TNFRSF10B: variants seen among roughly 807,000 people sequenced by gnomAD.
TNFRSF10B encodes tumor necrosis factor receptor superfamily member 10B.
In TNFRSF10B, 35 loss-of-function variants were observed where a neutral mutation model predicts 41.4. The observed-to-expected ratio is 0.85, with a 90% CI of 0.65 to 1.12. TNFRSF10B has a LOEUF of 1.12. Ranked by LOEUF, TNFRSF10B falls within the 50% of genes most tolerant of loss-of-function variation. TNFRSF10B has a pLI of 0.00. For missense variants in TNFRSF10B, 584 were observed against 552.7 expected (o/e 1.06, Z -0.57); for synonymous variants, 230 against 215.5 (o/e 1.07, Z -0.59).
In TNFRSF10B at chr8:23,028,311, C is replaced by T. The variant is rs753244619; in HGVS notation, c.748+20G>A. The stretch of plus-strand genomic sequence containing the variant: ...CAGGGCAGAGAGTGCCCTGTGCCCC[C>T]GCCCTCAGCCAGCACCTACCTGAGC... On this transcript the variant is annotated intron_variant, in intron 5 of 8. Coordinates refer to ENST00000276431, the MANE Select transcript of TNFRSF10B (RefSeq NM_003842.5). 1.2e-6 allele frequency: 2 copies of T among 1,613,644 alleles called. No homozygotes were observed. Among genetic ancestry groups the T allele is most frequent in the Admixed American group, 1.7e-5 (1 of 60,012 alleles).
intron 1 of TNFRSF10B, among the ~76,000 whole-genome samples, chr8:23,055,493 C>T (rs550609801): frequency 7.2e-6 from 1 of 138,154 alleles, no homozygotes; most frequent in Non-Finnish European, 1.5e-5. Flanking sequence ...CAGTACTAAT[C>T]AAGTGCTTAA....
chr8:23,062,065 CCTTCT>C (rs1233412408), intron 1 of TNFRSF10B, among the ~76,000 whole-genome samples: 1 of 152,024 alleles, frequency 6.6e-6, no homozygotes, highest in Non-Finnish European at 1.5e-5. Flanking sequence ...AGAAAGGTTC[CCTTCT>C]CTTCAAGTTT....
At chr8:23,025,936 C>A (rs1165301260) in intron 7 of TNFRSF10B, among the ~76,000 whole-genome samples, 1 of 152,138 alleles carries the variant, frequency 6.6e-6, no homozygotes, top group African/African-American at 2.4e-5. Flanking sequence ...CTTAGCTGGG[C>A]ACGGTGGCAC....
chr8:23,067,065 G>A (rs936887586), intron 1 of TNFRSF10B, among the ~76,000 whole-genome samples: 3 of 151,234 alleles, frequency 2.0e-5, no homozygotes, highest in African/African-American at 4.9e-5. Context: ...TGCAACTTCT[G>A]CCTCCCAGGT....
In TNFRSF10B at chr8:23,022,374, TA is replaced by T. The variant is rs1462652292; in HGVS notation, c.*296del. 1 of 534,928 alleles carries T rather than the reference TA, an allele frequency of 1.9e-6. No homozygotes were observed. The highest frequency in any genetic ancestry group is 3.6e-6 in the Non-Finnish European group (1 of 280,246). 33.1% of individuals were successfully genotyped at this position (534,928 alleles called of 1,614,324 possible). ...AATAAATAAAGCATTTACATTAGGA[TA>T]AAAAAGTGCTGTGAAAACAATGACA... On this transcript the variant is annotated 3_prime_UTR_variant, in exon 9 of 9. Coordinates refer to ENST00000276431, the MANE Select transcript of TNFRSF10B (RefSeq NM_003842.5).
intron 2 of TNFRSF10B, among the ~76,000 whole-genome samples, chr8:23,037,255 A>T (rs1182131321): frequency 2.6e-5 from 4 of 152,106 alleles, no homozygotes; most frequent in Non-Finnish European, 5.9e-5. Context: ...GAGGTTATGT[A>T]TGGGCTTAAC....
intron 1 of TNFRSF10B, among the ~76,000 whole-genome samples, chr8:23,046,450 G>A (rs752900943): frequency 6.6e-6 from 1 of 151,950 alleles, no homozygotes; most frequent in Non-Finnish European, 1.5e-5. Context: ...AACGGAAAGA[G>A]ACACAAATGC....
Position 23,030,812 on chromosome 8 carries a change from C to G in TNFRSF10B, c.311G>C (p.Ser104Thr). ...CISCKYGQDY[S>T]THWNDLLFCL... ...GAAAAGGAGGTCATTCCAGTGAGTG[C>G]TATAGTCCTGTCCATATTTGCAGGA... Residue 104 changes from serine (S) to threonine (T), a missense_variant, in exon 3 of 9, where the codon AGC becomes ACC. Coordinates refer to ENST00000276431, the MANE Select transcript of TNFRSF10B (RefSeq NM_003842.5). 1 of 1,613,182 alleles carries G rather than the reference C, an allele frequency of 6.2e-7. No homozygotes were observed. Among genetic ancestry groups the G allele is most frequent in the Non-Finnish European group, 8.5e-7 (1 of 1,179,638 alleles).
rs777384758 is a variant in TNFRSF10B, at chr8:23,027,270, C to G, written c.799G>C (p.Ala267Pro). Reference sequence around the variant, plus strand: ...ATCTCATTGAGGACATTGTCCTCAGCCCCAGGTCGTTGTGAGCTCTGGAAA... The same window carrying G: ...ATCTCATTGAGGACATTGTCCTCAGGCCCAGGTCGTTGTGAGCTCTGGAAA... ...RVDRSSQRPG[A>P]EDNVLNEIVS... Residue 267 changes from alanine (A) to proline (P), a missense_variant, in exon 7 of 9, where the codon GCT becomes CCT. Ala to Pro is a conservative substitution (Grantham distance 27, BLOSUM62 -1). Transcript: ENST00000276431. 3 of 1,614,152 alleles carry G rather than the reference C, an allele frequency of 1.9e-6. No individual in the cohort carries two copies. The South Asian group carries it at 3.3e-5, about 18-fold the overall frequency.
At chr8:23,027,023 G>A in intron 7 of TNFRSF10B, 110 bp downstream of exon 7, 11 of 1,547,718 alleles carry the variant, frequency 7.1e-6, no homozygotes, top group Middle Eastern at 2.3e-4. Flanking sequence ...GGCTCCTTCA[G>A]GTTCCATTTC....
Position 23,028,598 on chromosome 8 carries a change from G to A in TNFRSF10B, c.481C>T (p.Pro161Ser). Residue 161 changes from proline (P) to serine (S), a missense_variant, in exon 5 of 9, where the codon CCC (proline) becomes TCC (serine). By Grantham distance (74) the Pro-to-Ser change is moderately conservative. Transcript: ENST00000276431. ...EMCRKCRTGC[P>S]RGMVKVGDCT... Reference sequence around the variant, plus strand: ...TCACCGACCTTGACCATCCCTCTGGGACACCTGGGTACACACACAGAGGGA... The same window carrying A: ...TCACCGACCTTGACCATCCCTCTGGAACACCTGGGTACACACACAGAGGGA... 6.2e-7 allele frequency: 1 copy of A among 1,614,030 alleles called. No individual in the cohort carries two copies. The highest frequency in any genetic ancestry group is 8.5e-7 in the Non-Finnish European group (1 of 1,179,972).
At chr8:23,043,370 C>T in intron 1 of TNFRSF10B, 127 bp from the exon 2 acceptor site, 1 of 710,402 alleles carries the variant, frequency 1.4e-6, no homozygotes, top group East Asian at 2.7e-5. Context: ...GCAGCTCTCA[C>T]CTCTCAAACA....
At chr8:23,057,274 T>C (rs1247204624) in intron 1 of TNFRSF10B, among the ~76,000 whole-genome samples, 1 of 151,602 alleles carries the variant, frequency 6.6e-6, no homozygotes, top group African/African-American at 2.4e-5. Flanking sequence ...CTCAATCTCC[T>C]GACCTTGTGA....
intron 1 of TNFRSF10B, among the ~76,000 whole-genome samples, chr8:23,060,334 GTTCACT>G (rs1812797325): frequency 2.0e-5 from 3 of 152,032 alleles, no homozygotes; most frequent in Admixed American, 6.5e-5. Flanking sequence ...TTAGGCTAAG[GTTCACT>G]TCATTCTTTT....
At chr8:23,036,891 G>C (rs913759958) in intron 2 of TNFRSF10B, among the ~76,000 whole-genome samples, 1 of 152,132 alleles carries the variant, frequency 6.6e-6, no homozygotes, top group Non-Finnish European at 1.5e-5. Flanking sequence ...CAGTACACCT[G>C]GTTGTTCATT....
intron 1 of TNFRSF10B, among the ~76,000 whole-genome samples, chr8:23,046,064 T>G (rs1050144257): frequency 1.3e-5 from 2 of 152,170 alleles, no homozygotes; most frequent in African/African-American, 4.8e-5. Flanking sequence ...CTTTTCAACA[T>G]GGTACTGGAA....
Position 23,068,780 on chromosome 8 carries a change from C to T in TNFRSF10B, c.115G>A (p.Val39Met), listed in dbSNP as rs774194756. The stretch of plus-strand genomic sequence containing the variant: ...AGCAGGACCGCGGCGACAACGAGCA[C>T]AAGGGTCTTGGGGACCCGGGGCCCA... ...RPGPRVPKTL[V>M]LVVAAVLLLV... The change falls in exon 1 of 9, where the codon GTG (valine) becomes ATG (methionine). Residue 39 changes from valine (V) to methionine (M), a missense_variant. Val to Met is a conservative substitution (Grantham distance 21). Transcript: ENST00000276431. The T allele has an allele frequency of 9.3e-6, 15 of 1,604,434 alleles. No homozygotes were observed. In the East Asian group the frequency reaches 3.4e-4, roughly 36 times the overall value.
At chr8:23,062,384 C>A (rs1037096434) in intron 1 of TNFRSF10B, among the ~76,000 whole-genome samples, 2 of 152,018 alleles carry the variant, frequency 1.3e-5, no homozygotes, top group African/African-American at 2.4e-5. Flanking sequence ...CCGGGCCAGG[C>A]TGCTTTTTAT....
At chr8:23,029,545 T>C in intron 4 of TNFRSF10B, 65 bp downstream of exon 4, 1 of 1,485,774 alleles carries the variant, frequency 6.7e-7, no homozygotes, top group South Asian at 1.2e-5. Flanking sequence ...GAGACAGGGG[T>C]ACAAGGAGAC....
Sources: allele counts gnomAD v4.1 joint callset (sites outside exome capture counted in the v4.1 genomes callset), GRCh38; gene constraint gnomAD v4.1.1; transcripts MANE v1.5; gene names NCBI Gene and HGNC (gene_info 2026-07-23, HGNC 2026-07-21).